SCARA3: variants seen among roughly 807,000 people sequenced by gnomAD.
SCARA3 encodes cellular stress response gene protein.
In SCARA3, 39 loss-of-function variants were observed where a neutral mutation model predicts 47.0. That is an observed-to-expected ratio of 0.83 (90% CI 0.64 to 1.08). SCARA3 has a LOEUF of 1.08. Ranked by LOEUF, SCARA3 falls within the 50% of genes least tolerant of loss-of-function variation. The pLI is 0.00. For missense variants in SCARA3, 724 were observed against 792.3 expected (o/e 0.91, Z 1.04); for synonymous variants, 356 against 334.1 (o/e 1.07, Z -0.71).
chr8:27,719,552 A>G, the SCARA3 span, among the ~76,000 whole-genome samples: 2 of 148,116 alleles, frequency 1.4e-5, no homozygotes, highest in East Asian at 2.0e-4. Context: ...AAAAAAAAAA[A>G]GGAATGAAGG....
intron 5 of SCARA3, among the ~76,000 whole-genome samples, chr8:27,667,242 C>A (rs1295135065): frequency 4.6e-5 from 7 of 152,228 alleles, no homozygotes; most frequent in Admixed American, 4.6e-4. Flanking sequence ...GACCAGGTCA[C>A]GCCTGCTGTC....
the SCARA3 span, among the ~76,000 whole-genome samples, chr8:27,699,815 A>G: frequency 1.3e-5 from 2 of 152,206 alleles, no homozygotes; most frequent in Non-Finnish European, 2.9e-5. Context: ...ACTTACTCTA[A>G]AGCAGCAGTA....
chr8:27,671,108 C>A lies in SCARA3; in HGVS notation c.1578C>A (p.Gly526=), dbSNP rs1308642478. The change falls in exon 6 of 6, where the codon GGC becomes GGA. Residue 526 remains glycine (G), a synonymous_variant. Coordinates refer to ENST00000301904, the MANE Select transcript of SCARA3 (RefSeq NM_016240.3). ...RGFPGLKGSK[G]SFGTGGPRGQ... is the part of the protein sequence containing the mutation. ...TCCCAGGCCTCAAAGGCTCAAAGGG[C>A]AGCTTTGGAACTGGAGGGCCGAGAG... The A allele has an allele frequency of 3.1e-6, 5 of 1,600,576 alleles. No individual in the cohort carries two copies. Among genetic ancestry groups the A allele is most frequent in the Middle Eastern group, 1.8e-4 (1 of 5,602 alleles).
chr8:27,690,858 T>C, the SCARA3 span, among the ~76,000 whole-genome samples: 1 of 151,920 alleles, frequency 6.6e-6, no homozygotes, highest in East Asian at 1.9e-4. Flanking sequence ...AATTTTTTAA[T>C]TTTTTTTGGA....
intron 5 of SCARA3, among the ~76,000 whole-genome samples, chr8:27,665,966 G>A (rs911259614): frequency 6.6e-6 from 1 of 152,186 alleles, no homozygotes; most frequent in Non-Finnish European, 1.5e-5. Context: ...AGCCCAAGAT[G>A]GGCAAGATAC....
chr8:27,671,609 CAT>C lies in SCARA3; in HGVS notation c.*259_*260del, dbSNP rs1473278801. The C allele has an allele frequency of 1.7e-4, 205 of 1,214,646 alleles. 1 individual carries two copies. The African/African-American group carries it at 2.8e-3, about 16-fold the overall frequency. The allele number at this position is 1,214,646 out of a possible 1,614,324, so 75.2% of individuals were successfully genotyped here. On this transcript the variant is annotated 3_prime_UTR_variant, in exon 6 of 6. Transcript: ENST00000301904. ...ACATACACGCACATGCACACATACACATGCATGCACACATACACAGGCATACA... is the reference window on the plus strand; with the variant it reads ...ACATACACGCACATGCACACATACACGCATGCACACATACACAGGCATACA...
At chr8:27,659,848 T>TAAAAAAAA (rs1164812144) in intron 5 of SCARA3, among the ~76,000 whole-genome samples, 3 of 40,338 alleles carry the variant, frequency 7.4e-5, no homozygotes, top group Admixed American at 3.8e-4. Context: ...AGTCCTTATC[T>TAAAAAAAA]AAAAAAAAAA....
At chr8:27,687,082 A>G in the SCARA3 span, among the ~76,000 whole-genome samples, 1 of 152,196 alleles carries the variant, frequency 6.6e-6, no homozygotes, top group Non-Finnish European at 1.5e-5. Context: ...CAGGTGACTC[A>G]GGTCTGTCCA....
At chr8:27,705,777 T>C in the SCARA3 span, among the ~76,000 whole-genome samples, 1 of 152,364 alleles carries the variant, frequency 6.6e-6, no homozygotes, top group East Asian at 1.9e-4. Flanking sequence ...AGAATGAGAA[T>C]TTCTACCCTA....
chr8:27,701,309 G>A, the SCARA3 span: 1 of 152,158 alleles, frequency 6.6e-6, no homozygotes, highest in Non-Finnish European at 1.5e-5. Flanking sequence ...AAATAGGGAA[G>A]TTTCTGGGGT....
intron 5 of SCARA3, among the ~76,000 whole-genome samples, chr8:27,667,536 C>T (rs1189276646): frequency 6.6e-6 from 1 of 152,202 alleles, no homozygotes; most frequent in Non-Finnish European, 1.5e-5. Context: ...GTCTTAGAGC[C>T]TCTCGGGTCT....
chr8:27,701,499 T>A, the SCARA3 span: 40 of 152,106 alleles, frequency 2.6e-4, no homozygotes, highest in Non-Finnish European at 5.1e-4. Context: ...GGCAAGACAT[T>A]TCCTAGCTGA....
At position 27,671,549 on chromosome 8, in the gene SCARA3, T is replaced by G. The variant is rs1802157357; in HGVS notation, c.*198T>G. 2.3e-6 allele frequency: 3 copies of G among 1,284,316 alleles called. No individual in the cohort carries two copies. The highest frequency in any genetic ancestry group is 3.1e-5 in the African/African-American group (2 of 64,938). 79.6% of individuals were successfully genotyped at this position (1,284,316 alleles called of 1,614,324 possible). ...AGCAGCCCCTCCTCACACATACATG[T>G]GCACATGCACACACATGCATGCACA... On this transcript the variant is annotated 3_prime_UTR_variant, in exon 6 of 6. Transcript: ENST00000301904.
In SCARA3 at chr8:27,659,125, G is replaced by A; in HGVS notation, c.955G>A (p.Asp319Asn). 1 of 1,614,092 alleles carries A rather than the reference G, an allele frequency of 6.2e-7. No individual in the cohort carries two copies. Among genetic ancestry groups the A allele is most frequent in the Non-Finnish European group, 8.5e-7 (1 of 1,180,018 alleles). Residue 319 changes from aspartate to asparagine, a missense_variant, in exon 5 of 6, where the codon GAT becomes AAT. Physicochemically the swap from Asp to Asn is conservative, Grantham distance 23. Transcript: ENST00000301904. ...GCTGGATAACATCTCGTCCTTCCTG[G>A]ATGACCACGAAGAGAACATGCATGA... is the stretch of plus-strand genomic sequence containing the variant. ...LQLDNISSFL[D>N]DHEENMHDLQ...
chr8:27,649,549 G>T (rs35893348), intron 1 of SCARA3, among the ~76,000 whole-genome samples, 153 bp from the exon 2 acceptor site: 2,409 of 152,300 alleles, frequency 0.016, 78 homozygotes, highest in African/African-American at 0.056. Flanking sequence ...TCTTATGTCC[G>T]CTCCCTTTTT....
the SCARA3 span, among the ~76,000 whole-genome samples, chr8:27,721,094 C>CTCCT: frequency 6.6e-6 from 1 of 152,106 alleles, no homozygotes; most frequent in Admixed American, 6.6e-5. Flanking sequence ...CCATCCATCC[C>CTCCT]TCCTTCCCTC....
chr8:27,707,244 A>G, the SCARA3 span, among the ~76,000 whole-genome samples: 1 of 152,188 alleles, frequency 6.6e-6, no homozygotes, highest in Non-Finnish European at 1.5e-5. Flanking sequence ...ACCTCCAGGT[A>G]CTAATTGTTT....
At chr8:27,699,730 A>G in the SCARA3 span, among the ~76,000 whole-genome samples, 1 of 152,226 alleles carries the variant, frequency 6.6e-6, no homozygotes, top group Admixed American at 6.5e-5. Context: ...AAAGTTCCAG[A>G]CCAGCCTAGA....
chr8:27,716,834 G>A, the SCARA3 span, among the ~76,000 whole-genome samples: 2 of 152,174 alleles, frequency 1.3e-5, no homozygotes, highest in African/African-American at 4.8e-5. Flanking sequence ...GGAGAAATCT[G>A]GCAGACATCT....
Sources: gnomAD v4.1 joint callset for allele counts (sites outside exome capture counted in the v4.1 genomes callset) on GRCh38, gnomAD v4.1.1 for gene constraint, MANE v1.5 for transcripts, NCBI Gene and HGNC (gene_info 2026-07-23, HGNC 2026-07-21) for gene names.